CREBRF: variants seen among roughly 807,000 people sequenced by gnomAD.
The protein encoded by CREBRF is UPF0474 protein C5orf41.
In CREBRF, 5 loss-of-function variants were observed where a neutral mutation model predicts 66.1. The observed-to-expected ratio is 0.08, with a 90% CI of 0.04 to 0.16. CREBRF has a LOEUF of 0.16. Among genes scored for constraint, CREBRF ranks in the 10% least tolerant of loss-of-function variants. The pLI, the probability that CREBRF is intolerant of heterozygous loss-of-function variation, is 1.00. For synonymous variants in CREBRF, 229 were observed against 264.4 expected (o/e 0.87, Z 1.30); for missense variants, 531 against 744.9 (o/e 0.71, Z 3.34).
rs903688603 is a variant in CREBRF at position 173,110,363 on chromosome 5, T to C, written c.1418-159T>C. 62 of 710,688 alleles carry C rather than the reference T, an allele frequency of 8.7e-5. No individual in the cohort carries two copies. In the East Asian group the frequency reaches 1.6e-3, roughly 19 times the overall value. 44.0% of individuals were successfully genotyped at this position (710,688 alleles called of 1,614,324 possible). A position where few individuals can be genotyped will look rare whatever the true frequency, so the allele number is the denominator to read the frequency against. On this transcript the variant is annotated intron_variant, in intron 5 of 8. Coordinates refer to ENST00000296953, the MANE Select transcript of CREBRF (RefSeq NM_153607.3). ...ATGGGAAGGAGAGGAGGCCAGCCCT[T>C]CTAGGATAGATTGTTAAACATGCTA... is the stretch of plus-strand genomic sequence containing the variant.
At chr5:173,091,682 T>C in intron 4 of CREBRF, 4 of 1,099,474 alleles carry the variant, frequency 3.6e-6, no homozygotes, top group Non-Finnish European at 4.4e-6. Flanking sequence ...AGCTTGCCAC[T>C]GTGCCCAGCT....
chr5:173,079,787 C>T (rs1475841848), intron 1 of CREBRF, among the ~76,000 whole-genome samples: 2 of 152,158 alleles, frequency 1.3e-5, no homozygotes, highest in Admixed American at 6.6e-5. Flanking sequence ...TACTTTGAGA[C>T]CCACTGATCT....
intron 1 of CREBRF, among the ~76,000 whole-genome samples, chr5:173,076,970 G>T (rs1757784426): frequency 6.7e-6 from 1 of 149,378 alleles, no homozygotes; most frequent in African/African-American, 2.5e-5. Flanking sequence ...TTGAGACAGT[G>T]TCTCACTCTG....
chr5:173,117,616 T>C, intron 7 of CREBRF, among the ~76,000 whole-genome samples: 1 of 55,924 alleles, frequency 1.8e-5, no homozygotes, highest in Non-Finnish European at 4.0e-5. Context: ...CCTCCCTCCC[T>C]CCCTCACTCC....
At chr5:173,071,726 G>A (rs1449277007) in intron 1 of CREBRF, among the ~76,000 whole-genome samples, 1 of 151,902 alleles carries the variant, frequency 6.6e-6, no homozygotes, top group Non-Finnish European at 1.5e-5. Flanking sequence ...AATATGACGT[G>A]TGGTAGGTTA....
chr5:173,131,721 CACACACACA>C (rs1474043330), intron 8 of CREBRF, among the ~76,000 whole-genome samples: 1 of 150,776 alleles, frequency 6.6e-6, no homozygotes, highest in Admixed American at 6.6e-5. Flanking sequence ...CACACACACA[CACACACACA>C]CTTTTTTTTG....
chr5:173,066,194 C>T (rs77605667), intron 1 of CREBRF, among the ~76,000 whole-genome samples: 2,984 of 152,258 alleles, frequency 0.02, 103 homozygotes, highest in African/African-American at 0.067. Context: ...TAAGCTGATT[C>T]CCTCTTGGGA....
intron 3 of CREBRF, among the ~76,000 whole-genome samples, chr5:173,089,216 AAC>A (rs113514387): frequency 0.029 from 4,148 of 145,436 alleles, 184 homozygotes; most frequent in African/African-American, 0.097. Flanking sequence ...ATACACAGAC[AAC>A]ACACACACAC....
At chr5:173,131,781 G>A (rs947901118) in intron 8 of CREBRF, among the ~76,000 whole-genome samples, 1 of 151,900 alleles carries the variant, frequency 6.6e-6, no homozygotes, top group African/African-American at 2.4e-5. Flanking sequence ...CACCCTGGCT[G>A]GAGTGCAGTA....
At chr5:173,131,693 TATACACACAC>T (rs1759426895) in intron 8 of CREBRF, among the ~76,000 whole-genome samples, 1 of 98,022 alleles carries the variant, frequency 1.0e-5, no homozygotes, top group South Asian at 2.8e-4. Flanking sequence ...TGTATATATG[TATACACACAC>T]ACACACACAC....
At position 173,086,616 on chromosome 5, in the gene CREBRF, T is replaced by C. The variant is rs1758157249; in HGVS notation, c.125T>C (p.Met42Thr). The change falls in exon 3 of 9, where the codon ATG (methionine) becomes ACG (threonine). Residue 42 changes from methionine to threonine, a missense_variant. Met to Thr is a moderately conservative substitution (Grantham distance 81, BLOSUM62 -1). Around this residue, in one of 5 missense-constraint regions of CREBRF, gnomAD observed 133 missense variants for 215.6 expected, o/e 0.62. Transcript: ENST00000296953. Reference protein sequence around the residue: ...LLANSSDPDFMYELDREMNYQ... With the variant: ...LLANSSDPDFTYELDREMNYQ... ...GCAAACAGTTCGGATCCAGATTTCA[T>C]GTATGAACTGGTAAGCAACATTTTC... 6.2e-7 allele frequency: 1 copy of C among 1,611,174 alleles called. No individual in the cohort carries two copies. Among genetic ancestry groups the C allele is most frequent in the African/African-American group, 1.3e-5 (1 of 74,804 alleles).
intron 8 of CREBRF, among the ~76,000 whole-genome samples, chr5:173,132,085 CTT>C (rs34701764): frequency 9.0e-4 from 112 of 124,514 alleles, no homozygotes; most frequent in Admixed American, 1.0e-3. Flanking sequence ...AAATATATTT[CTT>C]TTTTTTTTTT....
intron 4 of CREBRF, among the ~76,000 whole-genome samples, chr5:173,108,312 G>T (rs1194993556): frequency 6.6e-6 from 1 of 152,062 alleles, no homozygotes; most frequent in Non-Finnish European, 1.5e-5. Flanking sequence ...TAGCTGTCCT[G>T]TAATTGTTCT....
At chr5:173,127,798 C>G (rs1759310796) in intron 8 of CREBRF, among the ~76,000 whole-genome samples, 1 of 152,146 alleles carries the variant, frequency 6.6e-6, no homozygotes, top group African/African-American at 2.4e-5. Context: ...TGTCAGGTTA[C>G]AAATTCTTCT....
rs1312121030 is a variant in CREBRF at position 173,086,308 on chromosome 5, G to A, written c.10-193G>A. ...AGCACTCTATTTTTTCTATTTTTAG[G>A]TATTTTCCTAATATAAGTCTACAGT... On this transcript the variant is annotated intron_variant, in intron 2 of 8. Coordinates refer to ENST00000296953, the MANE Select transcript of CREBRF (RefSeq NM_153607.3). 6.2e-6 allele frequency: 4 copies of A among 641,524 alleles called. No individual in the cohort carries two copies. The African/African-American group carries it at 7.4e-5, about 12-fold the overall frequency. The allele number at this position is 641,524 out of a possible 1,614,324, so 39.7% of individuals were successfully genotyped here.
At chr5:173,112,221 T>C in intron 6 of CREBRF, 85 bp from the exon 7 acceptor site, 1 of 934,308 alleles carries the variant, frequency 1.1e-6, no homozygotes, top group Non-Finnish European at 1.6e-6. Flanking sequence ...CTGGGCAACA[T>C]AGCGAGACCC....
intron 8 of CREBRF, among the ~76,000 whole-genome samples, chr5:173,126,479 AAG>A (rs780579320): frequency 2.4e-4 from 37 of 152,174 alleles, no homozygotes; most frequent in Admixed American, 4.6e-4. Context: ...CCTGTCCTGC[AAG>A]AGTCCTGGCT....
Position 173,136,562 on chromosome 5 carries a change from A to T in CREBRF, c.*2817A>T, listed in dbSNP as rs1318063549. On this transcript the variant is annotated 3_prime_UTR_variant, in exon 9 of 9. Coordinates refer to ENST00000296953, the MANE Select transcript of CREBRF (RefSeq NM_153607.3). ...GTTTTAACTTTATCATAAAGATGAC[A>T]TAGGCAAGCTGTGCAGCTTTACATT... is the stretch of plus-strand genomic sequence containing the variant. The T allele has an allele frequency of 2.6e-5, 4 of 152,524 alleles. No homozygotes were observed. The highest frequency in any genetic ancestry group is 4.8e-5 in the African/African-American group (2 of 41,454). 9.4% of individuals were successfully genotyped at this position (152,524 alleles called of 1,614,324 possible). A position where few individuals can be genotyped will look rare whatever the true frequency, so the allele number is the denominator to read the frequency against.
At chr5:173,104,740 AGTGT>A (rs1554125525) in intron 4 of CREBRF, among the ~76,000 whole-genome samples, 1 of 146,130 alleles carries the variant, frequency 6.8e-6, no homozygotes, top group African/African-American at 2.5e-5. Flanking sequence ...AGAGAGAGAG[AGTGT>A]GTGTGTGTGT....
Sources: allele counts gnomAD v4.1 joint callset (sites outside exome capture counted in the v4.1 genomes callset), GRCh38; gene constraint gnomAD v4.1.1; regional missense constraint gnomAD v4.1.1; transcripts MANE v1.5; gene names NCBI Gene and HGNC (gene_info 2026-07-23, HGNC 2026-07-21).